The following HBP1 variants were observed in gnomAD, a reference collection of about 807,000 sequenced individuals.
HBP1 encodes the protein HMG-box transcription factor 1.
A neutral mutation model predicts 62.6 loss-of-function variants in HBP1; 20 were observed. That is an observed-to-expected ratio of 0.32 (90% CI 0.22 to 0.46). The LOEUF (loss-of-function observed/expected upper bound fraction) is 0.46. HBP1 is among the 20% of genes least tolerant of loss of function. The probability of loss-of-function intolerance (pLI) is 1.00; values close to 1 mark genes in which losing one functional copy is unlikely to be tolerated. For synonymous variants in HBP1, 232 were observed against 206.2 expected, an observed-to-expected ratio of 1.12 and a Z score of -1.07; for missense variants, 480 against 611.8, an observed-to-expected ratio of 0.78 and a Z score of 2.27.
intron 1 of HBP1, among the ~76,000 whole-genome samples, chr7:107,172,054 A>G (rs574319259): frequency 1.3e-5 from 2 of 152,208 alleles, no homozygotes; most frequent in South Asian, 4.1e-4. Flanking sequence ...GATATCAGTA[A>G]CATTCACATT....
chr7:107,201,362 T>A lies in HBP1; in HGVS notation c.1528-52T>A. The A allele has an allele frequency of 7.2e-6, 8 of 1,110,252 alleles. No individual in the cohort carries two copies. The South Asian group carries it at 1.1e-4, about 15-fold the overall frequency. The allele number at this position is 1,110,252 out of a possible 1,614,324, so 68.8% of individuals were successfully genotyped here. ...TACATCTTAGCTTTCATATATAGGATTACTATGTATTGATTTGTAAACATT... is the reference window on the plus strand; with the variant it reads ...TACATCTTAGCTTTCATATATAGGAATACTATGTATTGATTTGTAAACATT... On this transcript the variant is annotated intron_variant, in intron 10 of 10. Transcript: ENST00000222574.
intron 1 of HBP1, among the ~76,000 whole-genome samples, chr7:107,171,417 C>T (rs1440429963): frequency 2.0e-5 from 3 of 151,866 alleles, no homozygotes; most frequent in Non-Finnish European, 1.5e-5. Flanking sequence ...ATCGAAGTGG[C>T]CAGTGAAGAA....
At chr7:107,169,648 C>T (rs1259193045) in intron 1 of HBP1, 1 of 737,022 alleles carries the variant, frequency 1.4e-6, no homozygotes, top group African/African-American at 1.9e-5. Context: ...CCGCCTCCTT[C>T]TGGACTGAGG....
Position 107,177,382 on chromosome 7 carries a change from C to T in HBP1, c.-15-2497C>T, listed in dbSNP as rs373855231. Reference sequence around the variant, plus strand: ...ATTGAGCAAGGCTCTAAAGCAGTGCCCAGGCTAAGGGTTATTTTTGAGGGA... The same window carrying T: ...ATTGAGCAAGGCTCTAAAGCAGTGCTCAGGCTAAGGGTTATTTTTGAGGGA... On this transcript the variant is annotated intron_variant, in intron 1 of 10. Transcript: ENST00000222574. Among the ~76,000 whole-genome samples the T allele has an allele frequency of 2.6e-5, 4 of 152,166 alleles. No individual in the cohort carries two copies. The South Asian group carries it at 8.3e-4, about 32-fold the overall frequency.
At position 107,200,237 on chromosome 7, in the gene HBP1, A is replaced by T; in HGVS notation, c.1463A>T (p.Lys488Met). The change falls in exon 10 of 11, where the codon AAG (lysine) becomes ATG (methionine). Residue 488 changes from lysine to methionine, a missense_variant. Lys to Met is a moderately conservative substitution (Grantham distance 95, BLOSUM62 -1). Transcript: ENST00000222574. ...AGAAGAATGTACACATTAGAAGCAA[A>T]GGCTTTGGCTGAAGAACAGAAACGT... is the stretch of plus-strand genomic sequence containing the variant. ...EERRMYTLEA[K>M]ALAEEQKRLN... 6.2e-7 allele frequency: 1 copy of T among 1,613,094 alleles called. No homozygotes were observed. Among genetic ancestry groups the T allele is most frequent in the South Asian group, 1.1e-5 (1 of 90,930 alleles).
chr7:107,182,554 C>A lies in HBP1; in HGVS notation c.351C>A (p.Ile117=), dbSNP rs760620645. 1.9e-6 allele frequency: 3 copies of A among 1,612,480 alleles called. No homozygotes were observed. Among genetic ancestry groups the A allele is most frequent in the Non-Finnish European group, 1.7e-6 (2 of 1,178,646 alleles). ...ACTGGCTAACAGAATTGGCAAATATCGCGACCAGTCCACAAAGTCCACTGA... is the reference window on the plus strand; with the variant it reads ...ACTGGCTAACAGAATTGGCAAATATAGCGACCAGTCCACAAAGTCCACTGA... ...EVDWLTELAN[I]ATSPQSPLMQ... The change falls in exon 3 of 11, where the codon ATC becomes ATA. Residue 117 remains isoleucine, a synonymous_variant. Transcript: ENST00000222574.
intron 9 of HBP1, among the ~76,000 whole-genome samples, chr7:107,199,306 T>C (rs1157463763): frequency 6.6e-6 from 1 of 152,224 alleles, no homozygotes; most frequent in Admixed American, 6.5e-5. Context: ...GGTCTTGAAC[T>C]CGTGGCCTCA....
intron 4 of HBP1, 130 bp downstream of exon 4, chr7:107,186,072 A>T: frequency 1.5e-6 from 1 of 669,826 alleles, no homozygotes; most frequent in Admixed American, 2.8e-5. Context: ...CAGCTCTGCT[A>T]TGTGTTAGGA....
chr7:107,173,566 A>G (rs1796704761), intron 1 of HBP1: 3 of 152,234 alleles, frequency 2.0e-5, no homozygotes, highest in South Asian at 2.1e-4. Context: ...ATAAAATTAG[A>G]TGAAGTACAT....
chr7:107,189,994 A>C (rs953608919), intron 7 of HBP1, 179 bp from the exon 8 acceptor site: 4 of 473,832 alleles, frequency 8.4e-6, no homozygotes, highest in Admixed American at 3.8e-5. Context: ...GGGCTTTTAC[A>C]TTGCTGAAAG....
At chr7:107,198,673 A>G (rs1423185675) in intron 9 of HBP1, among the ~76,000 whole-genome samples, 1 of 146,944 alleles carries the variant, frequency 6.8e-6, no homozygotes, top group Non-Finnish European at 1.5e-5. Flanking sequence ...AGCTGCCTTA[A>G]TTCAATGAAT....
intron 1 of HBP1, among the ~76,000 whole-genome samples, chr7:107,172,091 T>C (rs143059546): frequency 1.6e-3 from 242 of 152,236 alleles, no homozygotes; most frequent in African/African-American, 5.5e-3. Flanking sequence ...GCATTTACTT[T>C]GGTGCTTCAT....
intron 7 of HBP1, 147 bp downstream of exon 7, chr7:107,189,595 T>C: frequency 3.3e-6 from 2 of 604,286 alleles, no homozygotes; most frequent in East Asian, 2.8e-5. Context: ...GGAATGCTTA[T>C]AATAATACCT....
At chr7:107,199,489 T>G (rs1798102913) in intron 9 of HBP1, among the ~76,000 whole-genome samples, 1 of 152,246 alleles carries the variant, frequency 6.6e-6, no homozygotes. Flanking sequence ...GGTTTACTGT[T>G]CGAAGGCACA....
chr7:107,196,616 G>A lies in HBP1; in HGVS notation c.1385+465G>A, dbSNP rs542329912. The A allele has an allele frequency of 5.3e-5, 13 of 245,598 alleles. No homozygotes were observed. In the South Asian group the frequency reaches 5.7e-4, roughly 11 times the overall value. The allele number at this position is 245,598 out of a possible 1,614,324, so 15.2% of individuals were successfully genotyped here. ...TTAAGTGGAATTTTTAGGGTTATAT[G>A]TAATTATTTTATAATACATAGACAA... On this transcript the variant is annotated intron_variant, in intron 9 of 10. Coordinates refer to ENST00000222574, the MANE Select transcript of HBP1 (RefSeq NM_012257.4).
At chr7:107,198,565 C>T (rs911450044) in intron 9 of HBP1, among the ~76,000 whole-genome samples, 2 of 152,164 alleles carry the variant, frequency 1.3e-5, no homozygotes, top group African/African-American at 4.8e-5. Context: ...TACTGGTAAT[C>T]AATCATCTAA....
intron 3 of HBP1, among the ~76,000 whole-genome samples, chr7:107,185,355 ATGTGGTTGGTAGAT>A (rs1476301034): frequency 6.6e-6 from 1 of 152,192 alleles, no homozygotes; most frequent in East Asian, 1.9e-4. Flanking sequence ...GCCCAGTGAT[ATGTGGTTGGTAGAT>A]AAAGAGTTCA....
chr7:107,195,693 T>C (rs1238177098), intron 8 of HBP1, 141 bp from the exon 9 acceptor site: 7 of 430,312 alleles, frequency 1.6e-5, no homozygotes, highest in Non-Finnish European at 2.4e-5. Flanking sequence ...CAAAAGTTGT[T>C]AGTGTTGGTA....
chr7:107,178,463 A>C (rs1316810091), intron 1 of HBP1, among the ~76,000 whole-genome samples: 2 of 152,220 alleles, frequency 1.3e-5, no homozygotes, highest in African/African-American at 4.8e-5. Flanking sequence ...AATAATATTT[A>C]GTTGTTGGAT....
Sources: allele counts gnomAD v4.1 joint callset (sites outside exome capture counted in the v4.1 genomes callset), GRCh38; gene constraint gnomAD v4.1.1; transcripts MANE v1.5; gene names NCBI Gene and HGNC (gene_info 2026-07-23, HGNC 2026-07-21).